The following IGSF21 variants were observed in gnomAD, a reference collection of about 807,000 sequenced individuals.
The protein encoded by IGSF21 is immunoglobin superfamily member 21.
A neutral mutation model predicts 46.8 loss-of-function variants in IGSF21; 28 were observed. The observed-to-expected ratio is 0.60, with a 90% CI of 0.44 to 0.82. IGSF21 has a LOEUF of 0.82. IGSF21 is among the 40% of genes least tolerant of loss of function. IGSF21 has a pLI of 0.00. For missense variants in IGSF21, 624 were observed against 665.5 expected, an observed-to-expected ratio of 0.94 and a Z score of 0.69; for synonymous variants, 284 against 273.6, an observed-to-expected ratio of 1.04 and a Z score of -0.38.
chr1:18,118,625 A>G (rs1213622188), intron 1 of IGSF21, among the ~76,000 whole-genome samples: 2 of 152,196 alleles, frequency 1.3e-5, no homozygotes, highest in Non-Finnish European at 2.9e-5. Flanking sequence ...GTCACCCCAC[A>G]AAGACTTCTT....
intron 1 of IGSF21, among the ~76,000 whole-genome samples, chr1:18,207,058 A>C (rs1570336806): frequency 6.6e-6 from 1 of 152,326 alleles, no homozygotes; most frequent in East Asian, 1.9e-4. Context: ...GCAAGAATCC[A>C]CTTCCAAACC....
chr1:18,179,812 T>A (rs2086839347), intron 1 of IGSF21, among the ~76,000 whole-genome samples: 1 of 152,112 alleles, frequency 6.6e-6, no homozygotes, highest in East Asian at 1.9e-4. Context: ...TAAGTAAGAA[T>A]CATCAATTTC....
intron 1 of IGSF21, among the ~76,000 whole-genome samples, chr1:18,175,924 C>G (rs1427188998): frequency 4.6e-5 from 7 of 152,358 alleles, no homozygotes; most frequent in African/African-American, 1.4e-4. Context: ...GTTCCCTGCT[C>G]CTGGCAGTAG....
At chr1:18,232,131 A>C in intron 2 of IGSF21, among the ~76,000 whole-genome samples, 1 of 147,666 alleles carries the variant, frequency 6.8e-6, no homozygotes, top group African/African-American at 2.5e-5. Context: ...TGCTTTCTCC[A>C]CTGTTACATG....
intron 1 of IGSF21, among the ~76,000 whole-genome samples, chr1:18,221,785 A>C (rs1271641320): frequency 6.6e-6 from 1 of 152,176 alleles, no homozygotes; most frequent in Non-Finnish European, 1.5e-5. Context: ...CCTGAAAGAC[A>C]GAGCTCCGTC....
chr1:18,313,403 G>T (rs933584010), intron 3 of IGSF21, among the ~76,000 whole-genome samples: 5 of 152,218 alleles, frequency 3.3e-5, no homozygotes, highest in African/African-American at 1.2e-4. Context: ...CCGCTTCCTG[G>T]CTGTGGAATC....
rs146153051 is a variant in IGSF21, at chr1:18,208,019, G to A, written c.71-19879G>A. On this transcript the variant is annotated intron_variant, in intron 1 of 9. Coordinates refer to ENST00000251296, the MANE Select transcript of IGSF21 (RefSeq NM_032880.5). ...TTATTTTTGTGAGTGGCAGGAATTC[G>A]CTTTGACATGCCCCTGGGAGAGAGA... Among the ~76,000 whole-genome samples, 302 of 152,226 alleles carry A rather than the reference G, an allele frequency of 2.0e-3. 1 individual carries two copies. Among genetic ancestry groups the A allele is most frequent in the African/African-American group, 6.6e-3 (274 of 41,554 alleles).
At chr1:18,345,203 G>T (rs769249798) in intron 4 of IGSF21, among the ~76,000 whole-genome samples, 5 of 152,164 alleles carry the variant, frequency 3.3e-5, no homozygotes, top group Non-Finnish European at 5.9e-5. Flanking sequence ...AACTAGAAAA[G>T]GTGGAGGCTA....
chr1:18,198,555 C>T (rs764935173), intron 1 of IGSF21, among the ~76,000 whole-genome samples: 8 of 152,234 alleles, frequency 5.3e-5, no homozygotes, highest in Non-Finnish European at 7.3e-5. Context: ...AAAATACAGA[C>T]GGTCTCCAGA....
chr1:18,229,541 T>C (rs1262529194), intron 2 of IGSF21, among the ~76,000 whole-genome samples: 1 of 152,190 alleles, frequency 6.6e-6, no homozygotes, highest in African/African-American at 2.4e-5. Flanking sequence ...CCAAAAATCA[T>C]AGTTCTCTAT....
intron 1 of IGSF21, among the ~76,000 whole-genome samples, chr1:18,207,395 C>A (rs923357412): frequency 6.6e-6 from 1 of 152,148 alleles, no homozygotes; most frequent in Non-Finnish European, 1.5e-5. Flanking sequence ...GATTAGGATG[C>A]AGAACCTTAG....
In IGSF21 at chr1:18,278,536, TTTG is replaced by T. The variant is rs879663808; in HGVS notation, c.184-13327_184-13325del. On this transcript the variant is annotated intron_variant, in intron 2 of 9. Transcript: ENST00000251296. ...GATTACAGGTGTAAGGTTTTTTTTG[TTTG>T]TTTGTTTGTTTGTTTGTTTGTTTGT... Among the ~76,000 whole-genome samples the T allele has an allele frequency of 5.6e-3, 636 of 113,256 alleles. 3 individuals carry two copies. In the Middle Eastern group the frequency reaches 0.063, roughly 11 times the overall value. The allele number at this position is 113,256 out of a possible 152,430, so 74.3% of individuals were successfully genotyped here. A position where few individuals can be genotyped will look rare whatever the true frequency, so the allele number is the denominator to read the frequency against.
chr1:18,351,040 G>A (rs1464292995), intron 4 of IGSF21, among the ~76,000 whole-genome samples: 3 of 152,066 alleles, frequency 2.0e-5, no homozygotes, highest in South Asian at 2.1e-4. Flanking sequence ...TGGGCCCTTC[G>A]ACACCTTGTT....
At chr1:18,114,280 G>A (rs1429884339) in intron 1 of IGSF21, 1 of 152,150 alleles carries the variant, frequency 6.6e-6, no homozygotes, top group Non-Finnish European at 1.5e-5. Context: ...CCAATCCCCT[G>A]ACCCACTAGA....
At chr1:18,212,677 G>C (rs535861723) in intron 1 of IGSF21, among the ~76,000 whole-genome samples, 8 of 152,160 alleles carry the variant, frequency 5.3e-5, no homozygotes, top group Non-Finnish European at 1.0e-4. Flanking sequence ...CCCAACCCAG[G>C]GGGGGTCCTG....
chr1:18,242,098 C>G (rs111724410), intron 2 of IGSF21, among the ~76,000 whole-genome samples: 1,913 of 152,246 alleles, frequency 0.013, 21 homozygotes, highest in Non-Finnish European at 0.018. Context: ...AGTGCTGCGG[C>G]ACAGATCCAC....
At chr1:18,267,415 A>G (rs1450625880) in intron 2 of IGSF21, among the ~76,000 whole-genome samples, 1 of 152,116 alleles carries the variant, frequency 6.6e-6, no homozygotes, top group East Asian at 1.9e-4. Context: ...TTGGCCTTTG[A>G]TGGAGACTCT....
chr1:18,255,079 G>A (rs1044310690), intron 2 of IGSF21, among the ~76,000 whole-genome samples: 1 of 152,200 alleles, frequency 6.6e-6, no homozygotes, highest in African/African-American at 2.4e-5. Context: ...CAGCGAAAGT[G>A]ACAAATTTGG....
intron 4 of IGSF21, among the ~76,000 whole-genome samples, chr1:18,347,384 C>T (rs982732543): frequency 2.6e-5 from 4 of 152,178 alleles, no homozygotes; most frequent in African/African-American, 9.7e-5. Context: ...GAGCTCAGGT[C>T]TTCTGGGACC....
Sources: gnomAD v4.1 joint callset for allele counts (sites outside exome capture counted in the v4.1 genomes callset) on GRCh38, gnomAD v4.1.1 for gene constraint, MANE v1.5 for transcripts, NCBI Gene and HGNC (gene_info 2026-07-23, HGNC 2026-07-21) for gene names.